SLC43A1: variants seen among roughly 807,000 people sequenced by gnomAD.
The protein encoded by SLC43A1 is large neutral amino acids transporter small subunit 3.
A neutral mutation model predicts 59.5 loss-of-function variants in SLC43A1; 31 were observed. The observed-to-expected ratio is 0.52, with a 90% CI of 0.39 to 0.70. The LOEUF is 0.70. Ranked by LOEUF, SLC43A1 falls within the 30% of genes least tolerant of loss-of-function variation. The probability of loss-of-function intolerance (pLI) is 0.00; values close to 1 mark genes in which losing one functional copy is unlikely to be tolerated. For missense variants in SLC43A1, 598 were observed against 717.8 expected, an observed-to-expected ratio of 0.83 and a Z score of 1.91; for synonymous variants, 259 against 290.9, an observed-to-expected ratio of 0.89 and a Z score of 1.12.
At chr11:57,511,370 G>A (rs777863314) in intron 2 of SLC43A1, among the ~76,000 whole-genome samples, 35 of 151,590 alleles carry the variant, frequency 2.3e-4, no homozygotes, top group Non-Finnish European at 2.1e-4. Flanking sequence ...TGAAGCTGCA[G>A]TGAACTGTGA....
rs145649186 is a variant in SLC43A1, at chr11:57,501,265, G to A, written c.219C>T (p.Asp73=). 23 of 1,612,178 alleles carry A rather than the reference G, an allele frequency of 1.4e-5. No individual in the cohort carries two copies. The highest frequency in any genetic ancestry group is 7.7e-5 in the South Asian group (7 of 91,092). Residue 73 remains aspartate, a synonymous_variant, in exon 3 of 15, where the codon GAC becomes GAT. Transcript: ENST00000278426. ...TGGTGAAGCCCAGGTTGAGCATCTC[G>A]TCCTGCTGGTCACAGCCTGGCCACC... ...QRRWPGCDQQ[D]EMLNLGFTIG...
intron 2 of SLC43A1, among the ~76,000 whole-genome samples, chr11:57,511,141 G>T (rs182002075): frequency 2.1e-3 from 325 of 152,138 alleles, no homozygotes; most frequent in Non-Finnish European, 3.5e-3. Flanking sequence ...AACTTTACAA[G>T]GGCTAGGCGG....
intron 6 of SLC43A1, 133 bp from the exon 7 acceptor site, chr11:57,496,297 A>G (rs1944084380): frequency 4.0e-6 from 4 of 989,104 alleles, no homozygotes; most frequent in Non-Finnish European, 5.8e-6. Context: ...GCAGATGAGG[A>G]AACCAAGACC....
In SLC43A1 at chr11:57,514,984, C is replaced by G; in HGVS notation, c.-14+460G>C. 2 of 980,384 alleles carry G rather than the reference C, an allele frequency of 2.0e-6. No individual in the cohort carries two copies. The highest frequency in any genetic ancestry group is 2.4e-6 in the Non-Finnish European group (2 of 825,506). The allele number at this position is 980,384 out of a possible 1,614,324, so 60.7% of individuals were successfully genotyped here. On this transcript the variant is annotated intron_variant, in intron 1 of 14. Transcript: ENST00000278426. The surrounding 1 kb of genome is among the most constrained non-coding windows in gnomAD (Gnocchi z 5.5). ...CCCCCCGCCGCGGCCGCTGCAGCCT[C>G]GGCGGGAGGAGAGGGAACGCGGGCG...
Position 57,501,020 on chromosome 11 carries a change from G to T in SLC43A1, c.356C>A (p.Thr119Asn). 1.2e-6 allele frequency: 2 copies of T among 1,602,204 alleles called. No individual in the cohort carries two copies. Among genetic ancestry groups the T allele is most frequent in the Non-Finnish European group, 1.7e-6 (2 of 1,174,268 alleles). Residue 119 changes from threonine (T) to asparagine (N), a missense_variant, in exon 4 of 15, where the codon ACC becomes AAC. Coordinates refer to ENST00000278426, the MANE Select transcript of SLC43A1 (RefSeq NM_003627.6). ...GTCCCGGGAGGCCAGGGCCATGAGGGTGCAGGACGCAGTGAAGCAGGCACT... is the reference window on the plus strand; with the variant it reads ...GTCCCGGGAGGCCAGGGCCATGAGGTTGCAGGACGCAGTGAAGCAGGCACT... The part of the protein sequence containing the change: ...VGSACFTASC[T>N]LMALASRDVE...
At position 57,487,207 on chromosome 11, in the gene SLC43A1, T is replaced by C; in HGVS notation, c.1421A>G (p.Asn474Ser). ...CAGGCCTGTCAGCGTCCCAAAGTGG[T>C]TGGATGGGAACCTGTCCACGAGACG... The part of the protein sequence containing the change: ...GSLYAAVFPS[N>S]HFGTLTGLQS... The change falls in exon 14 of 15, where the codon AAC becomes AGC. Residue 474 changes from asparagine (N) to serine (S), a missense_variant. By Grantham distance (46) the Asn-to-Ser change is conservative (BLOSUM62 1). Transcript: ENST00000278426. 6.2e-7 allele frequency: 1 copy of C among 1,613,516 alleles called. No homozygotes were observed. Among genetic ancestry groups the C allele is most frequent in the Non-Finnish European group, 8.5e-7 (1 of 1,179,630 alleles).
chr11:57,499,048 C>T (rs1317408861), intron 5 of SLC43A1, among the ~76,000 whole-genome samples: 5 of 152,176 alleles, frequency 3.3e-5, no homozygotes, highest in African/African-American at 1.2e-4. Flanking sequence ...TTAGGCCGGG[C>T]GCAGTGGCTC....
In SLC43A1 at chr11:57,496,062, C is replaced by A; in HGVS notation, c.661G>T (p.Ala221Ser). The change falls in exon 7 of 15, where the codon GCC (alanine) becomes TCC (serine). Residue 221 changes from alanine to serine, a missense_variant. Transcript: ENST00000278426. ...LNCTLNWPIE[A>S]FPAPEEVNYT... ...TTGACTTCCTCAGGGGCAGGAAAGG[C>A]TTCGATGGGCCAGTTGAGGGTGCAG... is the stretch of plus-strand genomic sequence containing the variant. 1.2e-6 allele frequency: 2 copies of A among 1,614,114 alleles called. No homozygotes were observed. Among genetic ancestry groups the A allele is most frequent in the East Asian group, 4.5e-5 (2 of 44,882 alleles).
At chr11:57,508,845 G>A (rs974131203) in intron 2 of SLC43A1, among the ~76,000 whole-genome samples, 8 of 152,134 alleles carry the variant, frequency 5.3e-5, no homozygotes, top group African/African-American at 1.4e-4. Flanking sequence ...GACTGGGCAC[G>A]GTGGCTCCCA....
At chr11:57,511,659 G>C (rs1262569061) in intron 2 of SLC43A1, among the ~76,000 whole-genome samples, 1 of 152,100 alleles carries the variant, frequency 6.6e-6, no homozygotes, top group African/African-American at 2.4e-5. Context: ...TCCATCAACT[G>C]ACAAATGGAT....
Position 57,485,161 on chromosome 11 carries a change from G to A in SLC43A1, c.1615C>T (p.Gln539Ter), listed in dbSNP as rs1244217480. 1.9e-6 allele frequency: 3 copies of A among 1,614,120 alleles called. No homozygotes were observed. Among genetic ancestry groups the A allele is most frequent in the African/African-American group, 1.3e-5 (1 of 75,034 alleles). The change falls in exon 15 of 15, where the codon CAG (glutamine) becomes TAG (stop). Residue 539 changes from glutamine to a stop codon, truncating the protein, a stop_gained. Coordinates refer to ENST00000278426, the MANE Select transcript of SLC43A1 (RefSeq NM_003627.6). LOFTEE classifies it low-confidence loss of function (END_TRUNC). ...CCCATCCCATTGGCGGCGTACTCCT[G>A]CTGGAGCCGGGCACGGTAATAGAAG... The part of the protein sequence containing the change: ...YLFYYRARLQ[Q>*]EYAANGMGPL...
intron 11 of SLC43A1, 135 bp downstream of exon 11, chr11:57,491,089 T>C: frequency 8.9e-7 from 1 of 1,126,194 alleles, no homozygotes; most frequent in Non-Finnish European, 1.2e-6. Flanking sequence ...TTTCCTCATC[T>C]GTAAAATGGG....
Position 57,515,099 on chromosome 11 carries a change from C to G in SLC43A1, c.-14+345G>C. On this transcript the variant is annotated intron_variant, in intron 1 of 14. Coordinates refer to ENST00000278426, the MANE Select transcript of SLC43A1 (RefSeq NM_003627.6). This position sits in a 1 kb window ranked among gnomAD's most constrained non-coding sequence, Gnocchi z 5.3. ...AGACCCAGAGAGAGGGGAGGAAGTA[C>G]CAGTCACTTCTTCCAGGGGGACTCG... The G allele has an allele frequency of 3.1e-6, 3 of 983,234 alleles. No homozygotes were observed. The highest frequency in any genetic ancestry group is 3.6e-6 in the Non-Finnish European group (3 of 828,032). The allele number at this position is 983,234 out of a possible 1,614,324, so 60.9% of individuals were successfully genotyped here. A position where few individuals can be genotyped will look rare whatever the true frequency, so the allele number is the denominator to read the frequency against.
chr11:57,497,389 G>T (rs1176124561), intron 6 of SLC43A1, among the ~76,000 whole-genome samples: 2 of 152,198 alleles, frequency 1.3e-5, no homozygotes, highest in Non-Finnish European at 1.5e-5. Context: ...GAAAAATGTG[G>T]CCCCAAAGGC....
intron 11 of SLC43A1, 26 bp from the exon 12 acceptor site, chr11:57,489,418 T>C: frequency 6.2e-7 from 1 of 1,612,954 alleles, no homozygotes. Flanking sequence ...AGTCACTGGC[T>C]GCTGCCTCTA....
At position 57,500,774 on chromosome 11, in the gene SLC43A1, C is replaced by G; in HGVS notation, c.465+5G>C. The G allele has an allele frequency of 6.2e-7, 1 of 1,614,072 alleles. No homozygotes were observed. Among genetic ancestry groups the G allele is most frequent in the Non-Finnish European group, 8.5e-7 (1 of 1,179,918 alleles). On this transcript the variant is annotated splice_donor_5th_base_variant and intron_variant, in intron 5 of 14. Coordinates refer to ENST00000278426, the MANE Select transcript of SLC43A1 (RefSeq NM_003627.6). ...CTGCTGCCAGGCCAGGCCTGTGACA[C>G]TCACCGTGAGTGAAGTGAACGTTAG...
At chr11:57,486,644 A>C (rs1590741775) in intron 14 of SLC43A1, among the ~76,000 whole-genome samples, 1 of 122,288 alleles carries the variant, frequency 8.2e-6, no homozygotes, top group Non-Finnish European at 1.8e-5. Context: ...CTAAAAATCC[A>C]AAAAAAAAAA....
chr11:57,497,537 G>C (rs1428452990), intron 6 of SLC43A1, among the ~76,000 whole-genome samples: 2 of 152,332 alleles, frequency 1.3e-5, no homozygotes, highest in African/African-American at 4.8e-5. Context: ...TGGAAGTCAC[G>C]TGAGTGACAG....
chr11:57,486,312 C>T (rs1469825179), intron 14 of SLC43A1, among the ~76,000 whole-genome samples: 1 of 152,154 alleles, frequency 6.6e-6, no homozygotes, highest in Non-Finnish European at 1.5e-5. Context: ...CATGGCAAGA[C>T]CCTGTTTATC....
Sources: allele counts gnomAD v4.1 joint callset (sites outside exome capture counted in the v4.1 genomes callset), GRCh38; gene constraint gnomAD v4.1.1; non-coding constraint Gnocchi (gnomAD v3.1); transcripts MANE v1.5; gene names NCBI Gene and HGNC (gene_info 2026-07-23, HGNC 2026-07-21).